Variants in ABCC3 observed in about 807,000 individuals in gnomAD.
ABCC3 encodes the protein ATP binding cassette subfamily C member 3.
In ABCC3, 121 loss-of-function variants were observed where a neutral mutation model predicts 165.3. That is an observed-to-expected ratio of 0.73 (90% CI 0.63 to 0.85). ABCC3 has a LOEUF of 0.85. Ranked by LOEUF, ABCC3 falls within the 40% of genes least tolerant of loss-of-function variation. The pLI, the probability that ABCC3 is intolerant of heterozygous loss-of-function variation, is 0.00. For missense variants in ABCC3, 1,869 were observed against 1,964.1 expected (o/e 0.95, Z 0.92); for synonymous variants, 733 against 810.1 (o/e 0.90, Z 1.62).
At chr17:50,688,049 T>G (rs1041814789) in intron 30 of ABCC3, among the ~76,000 whole-genome samples, 3 of 151,960 alleles carry the variant, frequency 2.0e-5, no homozygotes, top group African/African-American at 7.3e-5. Context: ...AGTACTGGGA[T>G]TACAGGCGTG....
chr17:50,679,765 T>G, intron 25 of ABCC3, 33 bp from the exon 26 acceptor site: 2 of 1,591,964 alleles, frequency 1.3e-6, no homozygotes, highest in Non-Finnish European at 1.7e-6. Flanking sequence ...GGAGGGGAGA[T>G]CGCCATACGT....
rs528126072 is a variant in ABCC3, at chr17:50,671,170, T to C, written c.2241+1642T>C. Among the ~76,000 whole-genome samples the C allele has an allele frequency of 5.6e-4, 85 of 151,662 alleles. 1 individual carries two copies. Among genetic ancestry groups the C allele is most frequent in the African/African-American group, 2.0e-3 (82 of 41,320 alleles). On this transcript the variant is annotated intron_variant, in intron 17 of 30. Coordinates refer to ENST00000285238, the MANE Select transcript of ABCC3 (RefSeq NM_003786.4). ...ACTCAGGAGGCTGAGGCAGGAGCATTGCGTAAGCCCAGGAGGCGGAGGTTG... is the reference window on the plus strand; with the variant it reads ...ACTCAGGAGGCTGAGGCAGGAGCATCGCGTAAGCCCAGGAGGCGGAGGTTG...
At position 50,691,440 on chromosome 17, in the gene ABCC3, C is replaced by T. The variant is rs1330632875; in HGVS notation, c.*240C>T. 2.3e-6 allele frequency: 1 copy of T among 442,826 alleles called. No homozygotes were observed. The highest frequency in any genetic ancestry group is 4.2e-6 in the Non-Finnish European group (1 of 239,990). 27.4% of individuals were successfully genotyped at this position (442,826 alleles called of 1,614,324 possible). A position where few individuals can be genotyped will look rare whatever the true frequency, so the allele number is the denominator to read the frequency against. On this transcript the variant is annotated 3_prime_UTR_variant, in exon 31 of 31. Coordinates refer to ENST00000285238, the MANE Select transcript of ABCC3 (RefSeq NM_003786.4). ...TGAGCCAGTTAGACTAGTCCCCGGTCTCCCGATTCCCAACTGAGTGTTATT... is the reference window on the plus strand; with the variant it reads ...TGAGCCAGTTAGACTAGTCCCCGGTTTCCCGATTCCCAACTGAGTGTTATT...
chr17:50,675,788 G>A lies in ABCC3; in HGVS notation c.2859+13G>A. ...AGCCATTGGCACTGTGAGTCGGTGG[G>A]GCAAGAGGGGCTGGAGGGGATGGAC... On this transcript the variant is annotated intron_variant, in intron 21 of 30. Coordinates refer to ENST00000285238, the MANE Select transcript of ABCC3 (RefSeq NM_003786.4). 2 of 1,578,390 alleles carry A rather than the reference G, an allele frequency of 1.3e-6. No homozygotes were observed. The highest frequency in any genetic ancestry group is 1.7e-6 in the Non-Finnish European group (2 of 1,161,568).
Position 50,664,054 on chromosome 17 carries a change from C to G in ABCC3, c.1281C>G (p.Leu427=), listed in dbSNP as rs753182773. ...AQRFMDLAPF[L]NLLWSAPLQI... The stretch of plus-strand genomic sequence containing the variant: ...GCTTCATGGACCTTGCCCCCTTCCT[C>G]AATCTGCTGTGGTCAGCACCCCTGC... The change falls in exon 10 of 31, where the codon CTC becomes CTG. Residue 427 remains leucine, a synonymous_variant. Coordinates refer to ENST00000285238, the MANE Select transcript of ABCC3 (RefSeq NM_003786.4). The G allele has an allele frequency of 1.2e-6, 2 of 1,614,108 alleles. No homozygotes were observed. Among genetic ancestry groups the G allele is most frequent in the South Asian group, 2.2e-5 (2 of 91,088 alleles).
chr17:50,685,202 T>G (rs1968002887), intron 29 of ABCC3, among the ~76,000 whole-genome samples: 1 of 152,168 alleles, frequency 6.6e-6, no homozygotes, highest in African/African-American at 2.4e-5. Context: ...CAAAACCCTT[T>G]GAGGAAGCCC....
chr17:50,675,582 G>A (rs757964885), intron 20 of ABCC3, 49 bp from the exon 21 acceptor site: 14 of 1,562,030 alleles, frequency 9.0e-6, no homozygotes, highest in Non-Finnish European at 1.1e-5. Flanking sequence ...CCTCTGTCCT[G>A]GGGGGTGCTT....
intron 15 of ABCC3, 55 bp downstream of exon 15, chr17:50,668,974 A>G: frequency 6.2e-7 from 1 of 1,602,050 alleles, no homozygotes; most frequent in Non-Finnish European, 8.6e-7. Context: ...GGAAGTTCAG[A>G]TCAATAGCAG....
At chr17:50,685,261 AC>A (rs1187479393) in intron 29 of ABCC3, among the ~76,000 whole-genome samples, 1 of 152,314 alleles carries the variant, frequency 6.6e-6, no homozygotes, top group East Asian at 1.9e-4. Context: ...GTCCTCAGCC[AC>A]TGGGCTATGC....
rs767230399 is a variant in ABCC3, at chr17:50,684,046, G to A, written c.4052G>A (p.Gly1351Asp). Residue 1351 changes from glycine (G) to aspartate (D), a missense_variant, in exon 28 of 31, where the codon GGC (glycine) becomes GAC (aspartate). Coordinates refer to ENST00000285238, the MANE Select transcript of ABCC3 (RefSeq NM_003786.4). ...GCAAAGGGTGAAATCCGCATTGATG[G>A]CCTCAATGTGGCAGACATCGGCCTC... ...EAAKGEIRID[G>D]LNVADIGLHD... is the part of the protein sequence containing the mutation. The A allele has an allele frequency of 3.7e-6, 6 of 1,612,534 alleles. No individual in the cohort carries two copies. Among genetic ancestry groups the A allele is most frequent in the Non-Finnish European group, 5.1e-6 (6 of 1,179,586 alleles).
At chr17:50,665,015 GTTTGGCCA>G (rs1967489054) in intron 10 of ABCC3, 130 bp from the exon 11 acceptor site, 3 of 704,340 alleles carry the variant, frequency 4.3e-6, no homozygotes, top group Non-Finnish European at 4.9e-6. Flanking sequence ...CTTTCTATCT[GTTTGGCCA>G]ACCACCATCT....
At chr17:50,671,702 CTTTTTTTTTTTTTTTTTT>C (rs386386244) in intron 17 of ABCC3, among the ~76,000 whole-genome samples, 14 of 56,396 alleles carry the variant, frequency 2.5e-4, no homozygotes, top group African/African-American at 6.8e-4. Context: ...TCCTTCCTTC[CTTTTTTTTTTTTTTTTTT>C]TTTTTTTTTT....
chr17:50,647,959 A>G (rs1967035293), intron 1 of ABCC3, among the ~76,000 whole-genome samples: 1 of 152,160 alleles, frequency 6.6e-6, no homozygotes, highest in South Asian at 2.1e-4. Context: ...GAATCACCTG[A>G]ATCCCAGAGG....
At chr17:50,659,107 A>G (rs1967320980) in intron 6 of ABCC3, 130 bp from the exon 7 acceptor site, 3 of 1,120,982 alleles carry the variant, frequency 2.7e-6, no homozygotes, top group Admixed American at 2.3e-5. Context: ...GACACCTTTC[A>G]TGGTCACAGT....
chr17:50,687,761 C>A (rs1968050082), intron 30 of ABCC3, 31 bp downstream of exon 30: 1 of 1,600,222 alleles, frequency 6.2e-7, no homozygotes, highest in Admixed American at 1.7e-5. Context: ...CAATGGGGAA[C>A]CTGGTGGGGC....
At position 50,634,953 on chromosome 17, in the gene ABCC3, G is replaced by T; in HGVS notation, c.17G>T (p.Gly6Val). The change falls in exon 1 of 31, where the codon GGT (glycine) becomes GTT (valine). Residue 6 changes from glycine to valine, a missense_variant. By Grantham distance (109) the Gly-to-Val change is moderately radical (BLOSUM62 -3). Transcript: ENST00000285238. MDALC[G>V]SGELGSKFWD... is the part of the protein sequence containing the mutation. ...CTCGGCCCCATGGACGCCCTGTGCG[G>T]TTCCGGGGAGCTCGGCTCCAAGTTC... The T allele has an allele frequency of 1.6e-6, 2 of 1,261,098 alleles. No individual in the cohort carries two copies. The highest frequency in any genetic ancestry group is 2.0e-6 in the Non-Finnish European group (2 of 1,001,110). 78.1% of individuals were successfully genotyped at this position (1,261,098 alleles called of 1,614,324 possible). A position where few individuals can be genotyped will look rare whatever the true frequency, so the allele number is the denominator to read the frequency against.
At chr17:50,635,633 T>C (rs1331821560) in intron 1 of ABCC3, 1 of 701,094 alleles carries the variant, frequency 1.4e-6, no homozygotes, top group African/African-American at 1.7e-5. Context: ...GTAGTCCAAC[T>C]CCCTTCTCAC....
intron 26 of ABCC3, among the ~76,000 whole-genome samples, chr17:50,682,112 C>T (rs946910953): frequency 2.0e-5 from 3 of 152,098 alleles, no homozygotes; most frequent in South Asian, 2.1e-4. Flanking sequence ...TCTCCTGCCT[C>T]GAAGCAGGGC....
At chr17:50,635,634 C>T in intron 1 of ABCC3, 1 of 700,760 alleles carries the variant, frequency 1.4e-6, no homozygotes, top group Admixed American at 2.0e-5. Flanking sequence ...TAGTCCAACT[C>T]CCTTCTCACA....
Sources: allele counts gnomAD v4.1 joint callset (sites outside exome capture counted in the v4.1 genomes callset), GRCh38; gene constraint gnomAD v4.1.1; transcripts MANE v1.5; gene names NCBI Gene and HGNC (gene_info 2026-07-23, HGNC 2026-07-21).